Variants in RPGRIP1L observed in about 807,000 individuals in gnomAD.
RPGRIP1L encodes the protein RPGRIP1 like.
A neutral mutation model predicts 160.4 loss-of-function variants in RPGRIP1L; 131 were observed. The observed-to-expected ratio is 0.82, with a 90% CI of 0.71 to 0.94. The LOEUF (loss-of-function observed/expected upper bound fraction) is 0.94. Among genes scored for constraint, RPGRIP1L ranks in the 40% least tolerant of loss-of-function variants. The pLI is 0.00. For synonymous variants in RPGRIP1L, 510 were observed against 515.8 expected (o/e 0.99, Z 0.15); for missense variants, 1,522 against 1,535.8 (o/e 0.99, Z 0.15).
chr16:53,612,686 G>A (rs1338752083), intron 24 of RPGRIP1L, among the ~76,000 whole-genome samples: 1 of 151,630 alleles, frequency 6.6e-6, no homozygotes, highest in Non-Finnish European at 1.5e-5. Flanking sequence ...ATTAAACCTA[G>A]ACCAGATTTG....
Position 53,652,960 on chromosome 16 carries a change from G to T in RPGRIP1L, c.1727C>A (p.Thr576Asn). 6.2e-7 allele frequency: 1 copy of T among 1,613,556 alleles called. No individual in the cohort carries two copies. The highest frequency in any genetic ancestry group is 8.5e-7 in the Non-Finnish European group (1 of 1,179,768). The change falls in exon 15 of 27, where the codon ACC becomes AAC. Residue 576 changes from threonine (T) to asparagine (N), a missense_variant. Thr to Asn is a moderately conservative substitution (Grantham distance 65, BLOSUM62 0). Transcript: ENST00000647211. ...EAQLKDIAYG[T>N]KQYKFKPEIM... Reference sequence around the variant, plus strand: ...TTCTGGTTTAAATTTGTACTGCTTGGTGCCATAGGCAATATCCTTTAATTG... The same window carrying T: ...TTCTGGTTTAAATTTGTACTGCTTGTTGCCATAGGCAATATCCTTTAATTG...
At chr16:53,631,013 G>A (rs762670303) in intron 22 of RPGRIP1L, among the ~76,000 whole-genome samples, 2 of 152,140 alleles carry the variant, frequency 1.3e-5, no homozygotes, top group Middle Eastern at 3.2e-3. Flanking sequence ...GATTACAGGT[G>A]TGAGCCACCG....
At chr16:53,615,884 A>G (rs1035294498) in intron 24 of RPGRIP1L, among the ~76,000 whole-genome samples, 1 of 152,204 alleles carries the variant, frequency 6.6e-6, no homozygotes, top group Non-Finnish European at 1.5e-5. Flanking sequence ...GGTGTGAGCC[A>G]CCACGCCCAG....
intron 7 of RPGRIP1L, among the ~76,000 whole-genome samples, chr16:53,674,194 G>A (rs1968966718): frequency 6.6e-6 from 1 of 152,070 alleles, no homozygotes; most frequent in Non-Finnish European, 1.5e-5. Flanking sequence ...CCAGAGCATG[G>A]CTGAAAAATA....
chr16:53,612,131 G>T (rs1964088418), intron 24 of RPGRIP1L, among the ~76,000 whole-genome samples: 1 of 152,296 alleles, frequency 6.6e-6, no homozygotes, highest in African/African-American at 2.4e-5. Flanking sequence ...TAGGCACAAG[G>T]CGGGAGAGAC....
At chr16:53,631,745 A>C (rs1965534488) in intron 22 of RPGRIP1L, among the ~76,000 whole-genome samples, 1 of 152,196 alleles carries the variant, frequency 6.6e-6, no homozygotes, top group African/African-American at 2.4e-5. Context: ...ACTCGCCATT[A>C]ATTATCATGC....
intron 11 of RPGRIP1L, 107 bp from the exon 12 acceptor site, chr16:53,658,571 G>C (rs779694892): frequency 6.2e-6 from 6 of 970,784 alleles, no homozygotes; most frequent in Non-Finnish European, 9.8e-6. Flanking sequence ...CTGATGCCAT[G>C]AACTAACAAA....
In RPGRIP1L at chr16:53,700,503, C is replaced by T. The variant is rs1971312005; in HGVS notation, c.85+136G>A. 4.1e-6 allele frequency: 3 copies of T among 735,186 alleles called. No homozygotes were observed. The Admixed American group carries it at 6.4e-5, about 16-fold the overall frequency. The allele number at this position is 735,186 out of a possible 1,614,324, so 45.5% of individuals were successfully genotyped here. ...AATACCATATGTGTTCTAAACTCTC[C>T]ATCTTTTTGTTTAGTCCAATCAAGG... On this transcript the variant is annotated intron_variant, in intron 2 of 26. Transcript: ENST00000647211.
rs1810791100 is a variant in RPGRIP1L at position 53,703,851 on chromosome 16, G to T, written c.-56C>A. 1 of 492,310 alleles carries T rather than the reference G, an allele frequency of 2.0e-6. No individual in the cohort carries two copies. The highest frequency in any genetic ancestry group is 2.2e-5 in the South Asian group (1 of 45,838). 30.5% of individuals were successfully genotyped at this position (492,310 alleles called of 1,614,324 possible). On this transcript the variant is annotated 5_prime_UTR_variant, in exon 1 of 27. Transcript: ENST00000647211. ...CTACCGTTGCTATAGCGCCGACAGC[G>T]TGGCGGGCGGCTGGCCGAGAGGAGC...
At chr16:53,680,741 TAC>T (rs1969542106) in intron 6 of RPGRIP1L, among the ~76,000 whole-genome samples, 1 of 151,750 alleles carries the variant, frequency 6.6e-6, no homozygotes, top group African/African-American at 2.4e-5. Context: ...CCCGTAACTG[TAC>T]AGAGGGTGAA....
At position 53,656,559 on chromosome 16, in the gene RPGRIP1L, C is replaced by T. The variant is rs1424092711; in HGVS notation, c.1612G>A (p.Glu538Lys). 3.7e-6 allele frequency: 6 copies of T among 1,613,816 alleles called. No individual in the cohort carries two copies. The highest frequency in any genetic ancestry group is 1.1e-5 in the South Asian group (1 of 91,072). Residue 538 changes from glutamate (E) to lysine (K), a missense_variant, in exon 14 of 27, where the codon GAA becomes AAA. Physicochemically the swap from Glu to Lys is moderately conservative, Grantham distance 56. Coordinates refer to ENST00000647211, the MANE Select transcript of RPGRIP1L (RefSeq NM_015272.5). ...AGTTCATAATCTTGCTGCAAATTTT[C>T]CATCTTACGGGTCACTGCCTCAACC... ...MEVEAVTRKM[E>K]NLQQDYELKV...
In RPGRIP1L at chr16:53,652,973, T is replaced by C. The variant is rs941136020; in HGVS notation, c.1714A>G (p.Ile572Val). 4 of 1,612,606 alleles carry C rather than the reference T, an allele frequency of 2.5e-6. No homozygotes were observed. The East Asian group carries it at 6.7e-5, about 27-fold the overall frequency. ...IHKLEAQLKD[I>V]AYGTKQYKFK... Reference sequence around the variant, plus strand: ...TTGTACTGCTTGGTGCCATAGGCAATATCCTTTAATTGGGCTGCAAGAGAA... The same window carrying C: ...TTGTACTGCTTGGTGCCATAGGCAACATCCTTTAATTGGGCTGCAAGAGAA... Residue 572 changes from isoleucine to valine, a missense_variant, in exon 15 of 27, where the codon ATT (isoleucine) becomes GTT (valine). By Grantham distance (29) the Ile-to-Val change is conservative. Transcript: ENST00000647211.
chr16:53,678,944 C>CT (rs1175847336), intron 6 of RPGRIP1L, among the ~76,000 whole-genome samples: 7 of 152,198 alleles, frequency 4.6e-5, no homozygotes, highest in African/African-American at 1.4e-4. Flanking sequence ...AGGCTATCCC[C>CT]TATGACTAGG....
At chr16:53,686,001 T>C (rs1031129108) in intron 6 of RPGRIP1L, among the ~76,000 whole-genome samples, 11 of 152,202 alleles carry the variant, frequency 7.2e-5, no homozygotes, top group African/African-American at 2.7e-4. Flanking sequence ...TAGGGATCTT[T>C]TTGGGATTAC....
chr16:53,601,872 G>C lies in RPGRIP1L; in HGVS notation c.*204C>G, dbSNP rs1963392583. The C allele has an allele frequency of 3.6e-6, 2 of 560,580 alleles. No individual in the cohort carries two copies. The highest frequency in any genetic ancestry group is 6.5e-6 in the Non-Finnish European group (2 of 308,204). The allele number at this position is 560,580 out of a possible 1,614,324, so 34.7% of individuals were successfully genotyped here. A position where few individuals can be genotyped will look rare whatever the true frequency, so the allele number is the denominator to read the frequency against. On this transcript the variant is annotated 3_prime_UTR_variant, in exon 27 of 27. Coordinates refer to ENST00000647211, the MANE Select transcript of RPGRIP1L (RefSeq NM_015272.5). ...TTATGGAGAACTTAAGTCCTGAGGG[G>C]TGGCAGTTATGAGAAGGAGGGAATA...
chr16:53,655,382 T>C (rs564147260), intron 14 of RPGRIP1L: 1 of 152,052 alleles, frequency 6.6e-6, no homozygotes, highest in African/African-American at 2.4e-5. Context: ...ATCAATTAAG[T>C]ATAACTCATG....
At chr16:53,646,759 A>T (rs1296085603) in intron 16 of RPGRIP1L, among the ~76,000 whole-genome samples, 1 of 152,188 alleles carries the variant, frequency 6.6e-6, no homozygotes, top group Non-Finnish European at 1.5e-5. Flanking sequence ...GAGTCTCTAC[A>T]TTCCACAAAG....
intron 9 of RPGRIP1L, among the ~76,000 whole-genome samples, chr16:53,665,359 C>T (rs1968153312): frequency 6.6e-6 from 1 of 152,118 alleles, no homozygotes; most frequent in African/African-American, 2.4e-5. Context: ...CGGACAAAAC[C>T]ATTCTCTCCC....
chr16:53,640,670 C>T (rs1045671921), intron 19 of RPGRIP1L, among the ~76,000 whole-genome samples: 13 of 151,924 alleles, frequency 8.6e-5, no homozygotes, highest in Non-Finnish European at 1.8e-4. Context: ...GAGAGAAAGT[C>T]GCTGTGACCT....
Sources: gnomAD v4.1 joint callset for allele counts (sites outside exome capture counted in the v4.1 genomes callset) on GRCh38, gnomAD v4.1.1 for gene constraint, MANE v1.5 for transcripts, NCBI Gene and HGNC (gene_info 2026-07-23, HGNC 2026-07-21) for gene names.